RGPD4: variants seen among roughly 807,000 people sequenced by gnomAD.
RGPD4 encodes RANBP2 like and GRIP domain containing 4, also known as ranBP2-like and GRIP domain-containing protein 4.
Under a neutral mutation model 141.1 loss-of-function variants are expected in RGPD4, and 84 were observed. That is an observed-to-expected ratio of 0.60 (90% CI 0.50 to 0.71). The LOEUF (loss-of-function observed/expected upper bound fraction) is 0.71. RGPD4 is among the 30% of genes least tolerant of loss of function. RGPD4 has a pLI of 0.00. For synonymous variants in RGPD4, 298 were observed against 566.8 expected, an observed-to-expected ratio of 0.53 and a Z score of 6.74; for missense variants, 918 against 1,622.4, an observed-to-expected ratio of 0.57 and a Z score of 7.46.
intron 1 of RGPD4, among the ~76,000 whole-genome samples, chr2:107,827,701 GGCCTGGACCTGGC>G (rs1681271290): frequency 3.2e-5 from 1 of 30,776 alleles, no homozygotes; most frequent in Non-Finnish European, 7.9e-5. Context: ...GGGCGGCGGC[GGCCTGGACCTGGC>G]CCGGCGGCGG....
Position 107,845,387 on chromosome 2 carries a change from G to A in RGPD4, c.782+1657G>A, listed in dbSNP as rs1251841611. On this transcript the variant is annotated intron_variant, in intron 6 of 22. Coordinates refer to ENST00000408999, the MANE Select transcript of RGPD4 (RefSeq NM_182588.3). Reference sequence around the variant, plus strand: ...TCCTGCCTCAGGTTGTTCCCCACCAGGAAGCCCCAGGAGGGCCCTGAGGAC... The same window carrying A: ...TCCTGCCTCAGGTTGTTCCCCACCAAGAAGCCCCAGGAGGGCCCTGAGGAC... 2.0e-5 allele frequency among the ~76,000 whole-genome samples: 3 copies of A among 150,662 alleles called. No homozygotes were observed. The East Asian group carries it at 5.8e-4, about 29-fold the overall frequency.
At chr2:107,874,585 T>C (rs1163717039) in intron 20 of RGPD4, among the ~76,000 whole-genome samples, 1 of 150,488 alleles carries the variant, frequency 6.6e-6, no homozygotes, top group African/African-American at 2.5e-5. Flanking sequence ...TTGAGAAATG[T>C]GAAAAGTGTT....
At chr2:107,873,433 C>T (rs6748635) in intron 20 of RGPD4, among the ~76,000 whole-genome samples, 5,017 of 140,730 alleles carry the variant, frequency 0.036, 375 homozygotes, top group African/African-American at 0.13. Flanking sequence ...ATGAGCCGGG[C>T]GTGGTGGTGC....
chr2:107,829,908 G>A (rs1341653233), intron 1 of RGPD4, among the ~76,000 whole-genome samples: 10 of 152,076 alleles, frequency 6.6e-5, no homozygotes, highest in East Asian at 3.9e-4. Flanking sequence ...ATGCTGCGGC[G>A]GAGGTCGTAC....
intron 17 of RGPD4, among the ~76,000 whole-genome samples, chr2:107,865,896 C>T (rs959524261): frequency 7.0e-5 from 10 of 142,404 alleles, no homozygotes; most frequent in East Asian, 4.0e-4. Flanking sequence ...ATGGTGAAAC[C>T]GCATCTCTAC....
At chr2:107,870,120 A>G in intron 19 of RGPD4, 143 bp downstream of exon 19, 1 of 756,346 alleles carries the variant, frequency 1.3e-6, no homozygotes, top group Non-Finnish European at 1.9e-6. Context: ...ATCTCCAAAT[A>G]CAGAAATTAT....
chr2:107,884,197 G>T (rs187216792), intron 22 of RGPD4, among the ~76,000 whole-genome samples: 10 of 152,026 alleles, frequency 6.6e-5, no homozygotes, highest in East Asian at 5.8e-4. Context: ...TGCAACCTCC[G>T]CCTCCCGGAT....
At position 107,878,669 on chromosome 2, in the gene RGPD4, G is replaced by A. The variant is rs544912211; in HGVS notation, c.4925-1299G>A. Reference sequence around the variant, plus strand: ...ATTGGATGGTTGGATGGATGGATGAGATGGATGGATGGATGCTTATTAAGT... The same window carrying A: ...ATTGGATGGTTGGATGGATGGATGAAATGGATGGATGGATGCTTATTAAGT... On this transcript the variant is annotated intron_variant, in intron 20 of 22. Coordinates refer to ENST00000408999, the MANE Select transcript of RGPD4 (RefSeq NM_182588.3). Among the ~76,000 whole-genome samples the A allele has an allele frequency of 3.6e-5, 4 of 111,286 alleles. No individual in the cohort carries two copies. In the South Asian group the frequency reaches 1.1e-3, roughly 30 times the overall value. The allele number at this position is 111,286 out of a possible 152,430, so 73.0% of individuals were successfully genotyped here.
chr2:107,871,054 C>A lies in RGPD4; in HGVS notation c.3050C>A (p.Thr1017Asn). The change falls in exon 20 of 23, where the codon ACT becomes AAT. Residue 1017 changes from threonine (T) to asparagine (N), a missense_variant. Thr to Asn is a moderately conservative substitution (Grantham distance 65). Transcript: ENST00000408999. ...QCGKMANKAN[T>N]SGDFEKDDDA... ...GGTAAAATGGCCAATAAAGCAAACA[C>A]TTCCGGTGACTTTGAGAAAGATGAT... 6.2e-7 allele frequency: 1 copy of A among 1,611,160 alleles called. No homozygotes were observed. Among genetic ancestry groups the A allele is most frequent in the Non-Finnish European group, 8.5e-7 (1 of 1,179,820 alleles).
intron 6 of RGPD4, among the ~76,000 whole-genome samples, chr2:107,845,715 C>G (rs1681905530): frequency 6.6e-6 from 1 of 152,236 alleles, no homozygotes; most frequent in Non-Finnish European, 1.5e-5. Context: ...AGGCGCCCAC[C>G]ACCACGCTCG....
Position 107,858,397 on chromosome 2 carries a change from C to CCTTTTCTTTTCTTTT in RGPD4, c.1277-676_1277-662dup, listed in dbSNP as rs76894491. 5.3e-3 allele frequency among the ~76,000 whole-genome samples: 752 copies of CCTTTTCTTTTCTTTT among 140,854 alleles called. 2 individuals are homozygous for CCTTTTCTTTTCTTTT. Among genetic ancestry groups the CCTTTTCTTTTCTTTT allele is most frequent in the South Asian group, 0.01 (44 of 4,302 alleles). The allele number at this position is 140,854 out of a possible 152,430, so 92.4% of individuals were successfully genotyped here. ...TCTTCATGCTTCCAGAAGCACATAA[C>CCTTTTCTTTTCTTTT]CTTTTCTTTTCTTTTCTTTTCTTTT... On this transcript the variant is annotated intron_variant, in intron 9 of 22. Coordinates refer to ENST00000408999, the MANE Select transcript of RGPD4 (RefSeq NM_182588.3).
At chr2:107,883,111 T>C in intron 22 of RGPD4, 1 of 647,416 alleles carries the variant, frequency 1.5e-6, no homozygotes, top group Non-Finnish European at 2.8e-6. Context: ...CTTGATCTTC[T>C]AGCTCTTTGA....
chr2:107,859,895 A>G, intron 12 of RGPD4, 50 bp downstream of exon 12: 1 of 1,544,328 alleles, frequency 6.5e-7, no homozygotes, highest in East Asian at 2.3e-5. Flanking sequence ...TTAATTTTTT[A>G]AAATCATGAA....
In RGPD4 at chr2:107,830,343, T is replaced by TA. The variant is rs10547790; in HGVS notation, c.72+3274dup. Among the ~76,000 whole-genome samples, 182 of 140,560 alleles carry TA rather than the reference T, an allele frequency of 1.3e-3. 2 individuals are homozygous for TA. Among genetic ancestry groups the TA allele is most frequent in the East Asian group, 6.4e-3 (30 of 4,664 alleles). The allele number at this position is 140,560 out of a possible 152,430, so 92.2% of individuals were successfully genotyped here. A position where few individuals can be genotyped will look rare whatever the true frequency, so the allele number is the denominator to read the frequency against. On this transcript the variant is annotated intron_variant, in intron 1 of 22. Coordinates refer to ENST00000408999, the MANE Select transcript of RGPD4 (RefSeq NM_182588.3). ...CTGATTTTTTTTTTTTAAACAAGCT[T>TA]AAAAAAAAAAAAAAAAGCATGTTTA...
chr2:107,888,552 G>A (rs938419012), intron 22 of RGPD4, among the ~76,000 whole-genome samples: 1 of 151,666 alleles, frequency 6.6e-6, no homozygotes, highest in African/African-American at 2.4e-5. Flanking sequence ...AGAGTTCTTT[G>A]CCCTCATTCC....
chr2:107,890,688 T>G, intron 22 of RGPD4, 33 bp from the exon 23 acceptor site: 1 of 1,590,816 alleles, frequency 6.3e-7, no homozygotes, highest in Non-Finnish European at 8.5e-7. Context: ...TAATACTCTC[T>G]TTTTTCTTTT....
chr2:107,858,357 CAGAA>C (rs1235588332), intron 9 of RGPD4, among the ~76,000 whole-genome samples: 6 of 152,190 alleles, frequency 3.9e-5, no homozygotes, highest in Non-Finnish European at 7.3e-5. Flanking sequence ...GCCAAAATGA[CAGAA>C]AGATTATACC....
chr2:107,882,193 C>T (rs1436166340), intron 21 of RGPD4, among the ~76,000 whole-genome samples: 1 of 151,834 alleles, frequency 6.6e-6, no homozygotes, highest in East Asian at 1.9e-4. Context: ...AGGATGCATC[C>T]TCTCCTCTTG....
chr2:107,857,812 T>C (rs893395939), intron 9 of RGPD4, among the ~76,000 whole-genome samples: 20 of 150,546 alleles, frequency 1.3e-4, no homozygotes, highest in Admixed American at 9.9e-4. Context: ...GCCAACATGG[T>C]GAAACCCCGT....
Sources: gnomAD v4.1 joint callset for allele counts (sites outside exome capture counted in the v4.1 genomes callset) on GRCh38, gnomAD v4.1.1 for gene constraint, MANE v1.5 for transcripts, NCBI Gene and HGNC (gene_info 2026-07-23, HGNC 2026-07-21) for gene names.